TAFA1: variants seen among roughly 807,000 people sequenced by gnomAD.
TAFA1 encodes chemokine-like protein TAFA-1.
Under a neutral mutation model 18.5 loss-of-function variants are expected in TAFA1, and 4 were observed. That is an observed-to-expected ratio of 0.22 (90% confidence interval 0.11 to 0.49). TAFA1 has a LOEUF of 0.49. TAFA1 is among the 20% of genes least tolerant of loss of function. TAFA1 has a pLI of 0.98. For synonymous variants in TAFA1, 56 were observed against 55.2 expected (o/e 1.01, Z -0.06); for missense variants, 147 against 169.0 (o/e 0.87, Z 0.72).
At chr3:68,149,908 G>T (rs967681076) in intron 2 of TAFA1, among the ~76,000 whole-genome samples, 1 of 152,140 alleles carries the variant, frequency 6.6e-6, no homozygotes, top group Non-Finnish European at 1.5e-5. Flanking sequence ...AGGAGATGGA[G>T]CTGGGGGCTG....
intron 2 of TAFA1, among the ~76,000 whole-genome samples, chr3:68,313,962 T>C (rs1462568277): frequency 1.3e-5 from 2 of 152,202 alleles, no homozygotes; most frequent in Non-Finnish European, 2.9e-5. Flanking sequence ...TAAAAATAAG[T>C]AGAACTGTAA....
At position 68,113,888 on chromosome 3, in the gene TAFA1, GTTTTTTTTGTTTTT is replaced by G. The variant is rs1238246554; in HGVS notation, c.118+107153_118+107166del. Among the ~76,000 whole-genome samples, 189 of 57,882 alleles carry G rather than the reference GTTTTTTTTGTTTTT, an allele frequency of 3.3e-3. 1 individual carries two copies. Among genetic ancestry groups the G allele is most frequent in the African/African-American group, 0.012 (163 of 14,092 alleles). 38.0% of individuals were successfully genotyped at this position (57,882 alleles called of 152,430 possible). ...TGACAGTGTGACAGTTTGGGGTGTA[GTTTTTTTTGTTTTT>G]TTTTTTTTTTTTTTTTTTATGAGAC... On this transcript the variant is annotated intron_variant, in intron 2 of 4. Transcript: ENST00000478136.
At chr3:68,449,902 TC>T (rs2071541177) in intron 3 of TAFA1, among the ~76,000 whole-genome samples, 2 of 152,192 alleles carry the variant, frequency 1.3e-5, no homozygotes, top group African/African-American at 4.8e-5. Flanking sequence ...AAAAGATATT[TC>T]CTTCCTTACT....
intron 2 of TAFA1, among the ~76,000 whole-genome samples, chr3:68,283,289 A>G (rs2067934256): frequency 6.6e-6 from 1 of 152,144 alleles, no homozygotes; most frequent in African/African-American, 2.4e-5. Flanking sequence ...ATGACTGGAG[A>G]TTCAGTCTTA....
At chr3:68,419,908 C>T (rs2070921997) in intron 3 of TAFA1, among the ~76,000 whole-genome samples, 3 of 152,194 alleles carry the variant, frequency 2.0e-5, no homozygotes, top group African/African-American at 7.2e-5. Flanking sequence ...GCTGTCATCT[C>T]ATTTTCTTTG....
At chr3:68,275,864 CA>C (rs2067785489) in intron 2 of TAFA1, among the ~76,000 whole-genome samples, 1 of 152,012 alleles carries the variant, frequency 6.6e-6, no homozygotes, top group East Asian at 1.9e-4. Context: ...ATGCTGCCCC[CA>C]AATGCGACTA....
At chr3:68,343,454 T>C (rs1227745468) in intron 2 of TAFA1, among the ~76,000 whole-genome samples, 3 of 152,198 alleles carry the variant, frequency 2.0e-5, no homozygotes, top group Non-Finnish European at 4.4e-5. Context: ...TTCTTACAAA[T>C]GTTATGTATG....
chr3:68,539,679 G>GTGTGT lies in TAFA1; in HGVS notation c.384+799_384+800insTGTGT, dbSNP rs1316493591. On this transcript the variant is annotated intron_variant, in intron 4 of 4. Transcript: ENST00000478136. ...TTTGTCTCTCTCTGTGTGTGTGTGT[G>GTGTGT]GGGGGGCATGGGGTGGGTGGGTGGG... Among the ~76,000 whole-genome samples, 240 of 47,498 alleles carry GTGTGT rather than the reference G, an allele frequency of 5.1e-3. 12 individuals are homozygous for GTGTGT. The highest frequency in any genetic ancestry group is 0.017 in the African/African-American group (181 of 10,680). 31.2% of individuals were successfully genotyped at this position (47,498 alleles called of 152,430 possible). A position where few individuals can be genotyped will look rare whatever the true frequency, so the allele number is the denominator to read the frequency against.
intron 3 of TAFA1, among the ~76,000 whole-genome samples, chr3:68,457,732 G>C (rs2071691178): frequency 6.6e-6 from 1 of 152,104 alleles, no homozygotes; most frequent in South Asian, 2.1e-4. Flanking sequence ...TTATATGATA[G>C]ATCTCTTCAA....
chr3:68,336,766 C>G (rs2068976158), intron 2 of TAFA1, among the ~76,000 whole-genome samples: 1 of 152,170 alleles, frequency 6.6e-6, no homozygotes, highest in Non-Finnish European at 1.5e-5. Context: ...GATCTGTCAC[C>G]AGGCTGGAGT....
intron 2 of TAFA1, among the ~76,000 whole-genome samples, chr3:68,036,829 C>G (rs1277220194): frequency 6.6e-6 from 1 of 152,180 alleles, no homozygotes; most frequent in Admixed American, 6.5e-5. Flanking sequence ...ACTTCAAGGG[C>G]AATTCCTCTC....
chr3:68,401,013 C>A (rs2070477293), intron 2 of TAFA1, among the ~76,000 whole-genome samples: 2 of 152,178 alleles, frequency 1.3e-5, no homozygotes, highest in Non-Finnish European at 2.9e-5. Context: ...ACAGCAATTT[C>A]CACAGCCAGG....
chr3:67,991,683 C>T, the TAFA1 span, among the ~76,000 whole-genome samples: 7 of 152,194 alleles, frequency 4.6e-5, no homozygotes, highest in African/African-American at 1.7e-4. Flanking sequence ...TGTACTGAGA[C>T]TTACACCATC....
chr3:68,173,833 TG>T (rs1410774147), intron 2 of TAFA1, among the ~76,000 whole-genome samples: 1 of 152,200 alleles, frequency 6.6e-6, no homozygotes, highest in Non-Finnish European at 1.5e-5. Context: ...AGAAGCATTT[TG>T]TTTTTTGAAA....
intron 3 of TAFA1, among the ~76,000 whole-genome samples, chr3:68,440,950 G>A (rs2071365744): frequency 6.6e-6 from 1 of 152,254 alleles, no homozygotes; most frequent in Non-Finnish European, 1.5e-5. Context: ...CCTGGTGGCA[G>A]TGTTCCTCCC....
chr3:68,401,615 G>A (rs2070494064), intron 2 of TAFA1, among the ~76,000 whole-genome samples: 1 of 152,202 alleles, frequency 6.6e-6, no homozygotes, highest in South Asian at 2.1e-4. Context: ...CTTTTCGTCA[G>A]TAACACTTAG....
At chr3:68,483,925 G>C (rs2072285724) in intron 3 of TAFA1, among the ~76,000 whole-genome samples, 1 of 152,150 alleles carries the variant, frequency 6.6e-6, no homozygotes, top group Non-Finnish European at 1.5e-5. Flanking sequence ...TTATGCCTTG[G>C]GAAGCCACGG....
intron 2 of TAFA1, among the ~76,000 whole-genome samples, chr3:68,287,913 GT>G (rs60261004): frequency 0.02 from 1,735 of 86,148 alleles, 151 homozygotes; most frequent in East Asian, 0.083. Context: ...TTGTTGGGGG[GT>G]GGGGGGGCTT....
chr3:68,393,378 GAA>G (rs201653683), intron 2 of TAFA1, among the ~76,000 whole-genome samples: 9 of 130,338 alleles, frequency 6.9e-5, no homozygotes, highest in Middle Eastern at 3.8e-3. Context: ...CCTACCAATG[GAA>G]AAAAAAAAAA....
Sources: allele counts gnomAD v4.1 joint callset (sites outside exome capture counted in the v4.1 genomes callset), GRCh38; gene constraint gnomAD v4.1.1; transcripts MANE v1.5; gene names NCBI Gene and HGNC (gene_info 2026-07-23, HGNC 2026-07-21).